The following CLVS1 variants were observed in gnomAD, a reference collection of about 807,000 sequenced individuals.
CLVS1 encodes the protein clavesin 1, also known as clavesin-1.
In CLVS1, 10 loss-of-function variants were observed where a neutral mutation model predicts 33.1. The ratio of observed to expected loss-of-function variants is 0.30; its 90% confidence interval spans 0.19 to 0.51. The LOEUF (loss-of-function observed/expected upper bound fraction) is 0.51, where lower values mean the gene tolerates loss of function less well. CLVS1 is among the 20% of genes least tolerant of loss of function. CLVS1 has a pLI of 0.97. For missense variants in CLVS1, 343 were observed against 433.4 expected (o/e 0.79, Z 1.85); for synonymous variants, 163 against 166.1 (o/e 0.98, Z 0.14).
At chr8:61,498,493 T>C (rs1295986740) in intron 5 of CLVS1, among the ~76,000 whole-genome samples, 1 of 152,356 alleles carries the variant, frequency 6.6e-6, no homozygotes, top group East Asian at 1.9e-4. Flanking sequence ...GTTGTGAACA[T>C]TTATTAAATA....
At chr8:61,079,283 G>A (rs1036313803) in intron 1 of CLVS1, among the ~76,000 whole-genome samples, 3 of 152,114 alleles carry the variant, frequency 2.0e-5, no homozygotes, top group Admixed American at 6.5e-5. Flanking sequence ...GAGGCTGAAG[G>A]GATATGTCAC....
rs375348263 is a variant in CLVS1, at chr8:61,259,408, A to G, written c.-151-40269A>G. On this transcript the variant is annotated intron_variant, in intron 2 of 2. Coordinates refer to the CLVS1 transcript ENST00000522621. ...TGACATATCAGTAGAAATTCCCAAA[A>G]CACAGCAGGTCAGGTAGTCCTTAAA... Among the ~76,000 whole-genome samples the G allele has an allele frequency of 2.4e-3, 360 of 152,300 alleles. 1 individual carries two copies. The highest frequency in any genetic ancestry group is 8.3e-3 in the African/African-American group (345 of 41,558).
At chr8:61,364,202 G>C (rs1363397865) in intron 2 of CLVS1, among the ~76,000 whole-genome samples, 1 of 152,198 alleles carries the variant, frequency 6.6e-6, no homozygotes, top group East Asian at 1.9e-4. Context: ...GGCATTACAG[G>C]AGTTGGTCAA....
At chr8:61,403,460 G>C (rs1814850812) in intron 3 of CLVS1, among the ~76,000 whole-genome samples, 1 of 152,176 alleles carries the variant, frequency 6.6e-6, no homozygotes. Context: ...AAACCAGTTA[G>C]GAAACCATTG....
intron 2 of CLVS1, among the ~76,000 whole-genome samples, chr8:61,260,350 C>A (rs764109269): frequency 1.3e-5 from 2 of 152,150 alleles, no homozygotes; most frequent in Non-Finnish European, 2.9e-5. Context: ...TCTGAAAGAC[C>A]ATTTGTTTGC....
At chr8:61,046,704 C>A in the CLVS1 span, among the ~76,000 whole-genome samples, 1 of 152,082 alleles carries the variant, frequency 6.6e-6, no homozygotes, top group Non-Finnish European at 1.5e-5. Flanking sequence ...AGGTCCTTCA[C>A]GTCCCTTGTA....
rs181282844 is a variant in CLVS1 at position 61,333,650 on chromosome 8, T to C, written c.455+33368T>C. On this transcript the variant is annotated intron_variant, in intron 2 of 5. Transcript: ENST00000325897. ...CAGGAAATGTCGCAATGGGGAGAACTCTGGGAACACAAGATCTGTAAACTC... is the reference window on the plus strand; with the variant it reads ...CAGGAAATGTCGCAATGGGGAGAACCCTGGGAACACAAGATCTGTAAACTC... 2.7e-4 allele frequency among the ~76,000 whole-genome samples: 41 copies of C among 152,280 alleles called. 1 individual carries two copies. Among genetic ancestry groups the C allele is most frequent in the Admixed American group, 2.5e-3 (38 of 15,300 alleles).
intron 3 of CLVS1, among the ~76,000 whole-genome samples, chr8:61,385,422 A>G (rs1814042680): frequency 6.6e-6 from 1 of 152,214 alleles, no homozygotes; most frequent in African/African-American, 2.4e-5. Context: ...TCAGAGTTAA[A>G]GCAGCATTTG....
At chr8:61,206,016 T>A (rs1024449544) in intron 2 of CLVS1, among the ~76,000 whole-genome samples, 1 of 152,138 alleles carries the variant, frequency 6.6e-6, no homozygotes, top group African/African-American at 2.4e-5. Flanking sequence ...TTCCAGCATA[T>A]AATAAGTGCT....
chr8:60,995,238 G>A, the CLVS1 span, among the ~76,000 whole-genome samples: 6 of 151,982 alleles, frequency 3.9e-5, no homozygotes, highest in African/African-American at 1.5e-4. Flanking sequence ...TACAAAATGG[G>A]AGAAAATTTT....
chr8:61,275,830 T>G (rs1185020881), intron 2 of CLVS1, among the ~76,000 whole-genome samples: 1 of 152,182 alleles, frequency 6.6e-6, no homozygotes, highest in East Asian at 1.9e-4. Flanking sequence ...TTCAAATAAA[T>G]AAGACCCTAT....
At chr8:61,426,726 A>G (rs1815908769) in intron 3 of CLVS1, among the ~76,000 whole-genome samples, 1 of 152,110 alleles carries the variant, frequency 6.6e-6, no homozygotes, top group African/African-American at 2.4e-5. Flanking sequence ...GAAGACAGCA[A>G]CCCTCTTCTG....
chr8:61,260,313 T>C (rs1809174026), intron 2 of CLVS1, among the ~76,000 whole-genome samples: 1 of 152,174 alleles, frequency 6.6e-6, no homozygotes, highest in South Asian at 2.1e-4. Flanking sequence ...CTTAACTACG[T>C]CTATAACATC....
intron 3 of CLVS1, among the ~76,000 whole-genome samples, chr8:61,408,731 T>C (rs1315424238): frequency 6.6e-6 from 1 of 152,208 alleles, no homozygotes; most frequent in Non-Finnish European, 1.5e-5. Flanking sequence ...CCAGTGCTAG[T>C]CATCTTGGGG....
At chr8:61,423,515 A>G (rs1248328721) in intron 3 of CLVS1, among the ~76,000 whole-genome samples, 1 of 152,240 alleles carries the variant, frequency 6.6e-6, no homozygotes, top group Non-Finnish European at 1.5e-5. Flanking sequence ...TAGTTATAAA[A>G]TACCTTTCAA....
At chr8:61,243,614 A>T (rs1808742456) in intron 2 of CLVS1, among the ~76,000 whole-genome samples, 1 of 152,168 alleles carries the variant, frequency 6.6e-6, no homozygotes, top group Non-Finnish European at 1.5e-5. Context: ...AAGGTGATAA[A>T]TTTGTTGGCA....
upstream of CLVS1, among the ~76,000 whole-genome samples, chr8:61,284,650 CA>C (rs2129593375): frequency 6.6e-6 from 1 of 152,202 alleles, no homozygotes; most frequent in Non-Finnish European, 1.5e-5. Flanking sequence ...TATTAAAGTG[CA>C]AATAAAGAAG....
chr8:61,168,929 C>T (rs749149520), intron 2 of CLVS1, among the ~76,000 whole-genome samples: 1 of 152,202 alleles, frequency 6.6e-6, no homozygotes, highest in African/African-American at 2.4e-5. Flanking sequence ...CTGCTCCAGA[C>T]GTCAACTTTT....
At chr8:61,123,453 T>C (rs557681211) in intron 1 of CLVS1, among the ~76,000 whole-genome samples, 2 of 152,224 alleles carry the variant, frequency 1.3e-5, no homozygotes, top group African/African-American at 4.8e-5. Context: ...TACGTTTGTA[T>C]GCTACTAAGC....
Sources: allele counts gnomAD v4.1 joint callset (sites outside exome capture counted in the v4.1 genomes callset), GRCh38; gene constraint gnomAD v4.1.1; transcripts MANE v1.5; gene names NCBI Gene and HGNC (gene_info 2026-07-23, HGNC 2026-07-21).